SEC16B: variants seen among roughly 807,000 people sequenced by gnomAD.
SEC16B encodes the protein SEC16 homolog B, endoplasmic reticulum export factor.
Under a neutral mutation model 141.8 loss-of-function variants are expected in SEC16B, and 115 were observed. That is an observed-to-expected ratio of 0.81 (90% confidence interval 0.70 to 0.95). SEC16B has a LOEUF of 0.95. SEC16B is among the 40% of genes least tolerant of loss of function. SEC16B has a pLI of 0.00. For synonymous variants in SEC16B, 493 were observed against 492.5 expected (o/e 1.00, Z -0.01); for missense variants, 1,291 against 1,312.3 (o/e 0.98, Z 0.25).
chr1:177,937,556 C>T lies in SEC16B; in HGVS notation c.2204-43G>A, dbSNP rs958309333. The T allele has an allele frequency of 9.8e-6, 14 of 1,434,088 alleles. No individual in the cohort carries two copies. In the East Asian group the frequency reaches 1.7e-4, roughly 18 times the overall value. The allele number at this position is 1,434,088 out of a possible 1,614,324, so 88.8% of individuals were successfully genotyped here. On this transcript the variant is annotated intron_variant, in intron 18 of 25. Transcript: ENST00000308284. ...AGGTAAAGAAGTCAGACCTGAAATG[C>T]GGCATTTGCATACTGATCACACCAG...
chr1:177,932,637 C>A, intron 23 of SEC16B, 61 bp downstream of exon 23: 1 of 1,505,450 alleles, frequency 6.6e-7, no homozygotes, highest in South Asian at 1.3e-5. Flanking sequence ...CAGAAGGCAC[C>A]CCAACCCTTG....
At chr1:177,974,005 T>C (rs115114768), upstream of SEC16B, among the ~76,000 whole-genome samples, 553 of 152,172 alleles carry the variant, frequency 3.6e-3, 9 homozygotes, top group African/African-American at 0.013. Flanking sequence ...AGAATATATA[T>C]ATATATGTTT....
intron 24 of SEC16B, 22 bp downstream of exon 24, chr1:177,932,468 C>G (rs779107201): frequency 5.0e-5 from 76 of 1,506,218 alleles, no homozygotes; most frequent in Middle Eastern, 1.7e-4. Flanking sequence ...GTCCGAGGCT[C>G]CAGCCCAGGG....
rs774821271 is a variant in SEC16B, at chr1:177,937,452, G to T, written c.2265C>A (p.Arg755=). 6.2e-7 allele frequency: 1 copy of T among 1,603,612 alleles called. No individual in the cohort carries two copies. Among genetic ancestry groups the T allele is most frequent in the African/African-American group, 1.3e-5 (1 of 74,672 alleles). ...GCTCAGGTGTCAGCCACAGAGCTGA[G>T]CGGTACCCAGGGGCTTCAGAGTAGC... ...CQGYSEAPGY[R]SALWLTPEQT... Residue 755 remains arginine (R), a synonymous_variant, in exon 19 of 26, where the codon CGC becomes CGA. Coordinates refer to ENST00000308284, the MANE Select transcript of SEC16B (RefSeq NM_033127.4).
At chr1:177,982,640 T>C (rs1654467369) in intron 1 of SEC16B, among the ~76,000 whole-genome samples, 1 of 152,238 alleles carries the variant, frequency 6.6e-6, no homozygotes, top group Admixed American at 6.5e-5. Flanking sequence ...TGAGGAGTTC[T>C]AGGAAGCTGA....
At chr1:177,958,775 C>A in intron 9 of SEC16B, 65 bp downstream of exon 9, 1 of 1,524,414 alleles carries the variant, frequency 6.6e-7, no homozygotes, top group Non-Finnish European at 8.8e-7. Context: ...TAAACATAAT[C>A]TTATCTATCC....
intron 10 of SEC16B, among the ~76,000 whole-genome samples, chr1:177,957,685 AT>A (rs1258617574): frequency 1.3e-5 from 2 of 152,170 alleles, no homozygotes; most frequent in African/African-American, 4.8e-5. Context: ...TCTTTTAGTT[AT>A]CTTTAAATGT....
intron 5 of SEC16B, among the ~76,000 whole-genome samples, chr1:177,962,927 T>C (rs1653190920): frequency 6.6e-6 from 1 of 150,710 alleles, no homozygotes; most frequent in Admixed American, 6.6e-5. Context: ...GCCAACATGG[T>C]GAAACCCCAT....
rs1277344338 is a variant in SEC16B, at chr1:177,929,506, C to T, written c.*352G>A. 4 of 293,566 alleles carry T rather than the reference C, an allele frequency of 1.4e-5. No individual in the cohort carries two copies. In the Admixed American group the frequency reaches 1.4e-4, roughly 10 times the overall value. 18.2% of individuals were successfully genotyped at this position (293,566 alleles called of 1,614,324 possible). On this transcript the variant is annotated 3_prime_UTR_variant, in exon 26 of 26. Coordinates refer to ENST00000308284, the MANE Select transcript of SEC16B (RefSeq NM_033127.4). ...GCTTCCCATTTCTTGCTACAGGGCC[C>T]TGCGGTATCATCTTTGATTCTAGCT... is the stretch of plus-strand genomic sequence containing the variant.
At chr1:177,932,625 C>A in intron 23 of SEC16B, 56 bp from the exon 24 acceptor site, 1 of 1,501,148 alleles carries the variant, frequency 6.7e-7, no homozygotes, top group Non-Finnish European at 8.9e-7. Context: ...GGTCCCCACT[C>A]CCAGAAGGCA....
chr1:177,930,771 CTCTCCAAAGGACATGAATATGCAT>C (rs1416130537), intron 24 of SEC16B, 128 bp from the exon 25 acceptor site: 4 of 632,870 alleles, frequency 6.3e-6, no homozygotes, highest in Non-Finnish European at 1.1e-5. Context: ...TCCTTATCGA[CTCTCCAAAGGACATGAATATGCAT>C]TTCTCAAAAG....
chr1:177,941,978 A>G lies in SEC16B; in HGVS notation c.1944T>C (p.His648=). 6.2e-7 allele frequency: 1 copy of G among 1,613,954 alleles called. No individual in the cohort carries two copies. Among genetic ancestry groups the G allele is most frequent in the African/African-American group, 1.3e-5 (1 of 75,072 alleles). Residue 648 remains histidine (H), a synonymous_variant, in exon 16 of 26, where the codon CAT becomes CAC. Transcript: ENST00000308284. The stretch of plus-strand genomic sequence containing the variant: ...CAGCTGCACCAATGGCTTCGCAGTA[A>G]TGCAAAGCCTGGGACACGAGGCCAT... The part of the protein sequence containing the change: ...ADYGLVSQAL[H]YCEAIGAAVL...
At position 177,960,853 on chromosome 1, in the gene SEC16B, G is replaced by A. The variant is rs768172323; in HGVS notation, c.874C>T (p.His292Tyr). The A allele has an allele frequency of 2.5e-6, 4 of 1,613,626 alleles. No homozygotes were observed. The highest frequency in any genetic ancestry group is 1.6e-4 in the Middle Eastern group (1 of 6,082). ...TCAGTGGGAGAGCTGGGACCTACAT[G>A]CACCAGCTGACCTCCTGGCCCGAAA... ...VSFGPGGQLV[H>Y]VGPSSPTDGQ... The change falls in exon 7 of 26, where the codon CAT (histidine) becomes TAT (tyrosine). Residue 292 changes from histidine (H) to tyrosine (Y), a missense_variant. His to Tyr is a moderately conservative substitution (Grantham distance 83, BLOSUM62 2). Transcript: ENST00000308284.
intron 1 of SEC16B, among the ~76,000 whole-genome samples, chr1:177,969,096 C>T (rs1365642950): frequency 1.3e-5 from 2 of 152,134 alleles, no homozygotes; most frequent in African/African-American, 2.4e-5. Flanking sequence ...AGGTCGGCCT[C>T]GATTTTTTTC....
rs760101140 is a variant in SEC16B at position 177,933,495 on chromosome 1, C to T, written c.2713G>A (p.Glu905Lys). Residue 905 changes from glutamate to lysine, a missense_variant, in exon 21 of 26, where the codon GAG becomes AAG. By Grantham distance (56) the Glu-to-Lys change is moderately conservative (BLOSUM62 1). This residue lies in a region of SEC16B where 605 missense variants were observed against 614.1 expected (regional missense o/e 0.99). Transcript: ENST00000308284. ...ACAAGTCCCTCCACCTTTGTATGCTCCTTCCCATCTCCGAGCTTGCCTCTC... is the reference window on the plus strand; with the variant it reads ...ACAAGTCCCTCCACCTTTGTATGCTTCTTCCCATCTCCGAGCTTGCCTCTC... The part of the protein sequence containing the change: ...AQRGKLGDGK[E>K]HTKSSGFGWF... 8 of 1,613,260 alleles carry T rather than the reference C, an allele frequency of 5.0e-6. No homozygotes were observed. Among genetic ancestry groups the T allele is most frequent in the Non-Finnish European group, 6.8e-6 (8 of 1,179,604 alleles).
At chr1:177,942,667 CA>C (rs959171313) in intron 15 of SEC16B, among the ~76,000 whole-genome samples, 57 of 141,390 alleles carry the variant, frequency 4.0e-4, no homozygotes, top group Admixed American at 4.2e-4. Context: ...GACTCTGTCT[CA>C]AAAAAAAAAA....
rs1180609568 is a variant in SEC16B, at chr1:177,929,576, GT to G, written c.*281del. On this transcript the variant is annotated 3_prime_UTR_variant, in exon 26 of 26. Transcript: ENST00000308284. ...CAAGGCTCTCAAGCCACCACCATAA[GT>G]GCCACCACCATGTCACTCTGCTCAT... The G allele has an allele frequency of 7.2e-6, 3 of 415,082 alleles. No individual in the cohort carries two copies. The highest frequency in any genetic ancestry group is 6.0e-5 in the African/African-American group (3 of 50,044). 25.7% of individuals were successfully genotyped at this position (415,082 alleles called of 1,614,324 possible). A position where few individuals can be genotyped will look rare whatever the true frequency, so the allele number is the denominator to read the frequency against.
intron 15 of SEC16B, 143 bp from the exon 16 acceptor site, chr1:177,942,183 G>A: frequency 1.1e-6 from 1 of 896,756 alleles, no homozygotes; most frequent in Non-Finnish European, 1.7e-6. Flanking sequence ...GCCATTTGGA[G>A]CATTTTATCT....
At chr1:177,968,117 A>G in intron 1 of SEC16B, 78 bp from the exon 2 acceptor site, 1 of 836,988 alleles carries the variant, frequency 1.2e-6, no homozygotes, top group Non-Finnish European at 1.8e-6. Flanking sequence ...GTTTTGTGAA[A>G]AGAGCAGCTA....
Sources: allele counts gnomAD v4.1 joint callset (sites outside exome capture counted in the v4.1 genomes callset), GRCh38; gene constraint gnomAD v4.1.1; regional missense constraint gnomAD v4.1.1; transcripts MANE v1.5; gene names NCBI Gene and HGNC (gene_info 2026-07-23, HGNC 2026-07-21).